The following NKAIN2 variants were observed in gnomAD, a reference collection of about 807,000 sequenced individuals.
NKAIN2 encodes the protein sodium/potassium transporting ATPase interacting 2, also known as sodium/potassium-transporting ATPase subunit beta-1-interacting protein 2.
Under a neutral mutation model 32.6 loss-of-function variants are expected in NKAIN2, and 14 were observed. The observed-to-expected ratio is 0.43, with a 90% CI of 0.28 to 0.67. The LOEUF is 0.67. Ranked by LOEUF, NKAIN2 falls within the 30% of genes least tolerant of loss-of-function variation. The probability of loss-of-function intolerance (pLI) is 0.17; values close to 1 mark genes in which losing one functional copy is unlikely to be tolerated. For synonymous variants in NKAIN2, 80 were observed against 87.2 expected, an observed-to-expected ratio of 0.92 and a Z score of 0.46; for missense variants, 198 against 258.3, an observed-to-expected ratio of 0.77 and a Z score of 1.60.
chr6:124,112,816 T>A (rs1452231226), intron 1 of NKAIN2, among the ~76,000 whole-genome samples: 1 of 151,864 alleles, frequency 6.6e-6, no homozygotes, highest in Non-Finnish European at 1.5e-5. Flanking sequence ...TCCAGTTCGC[T>A]GATACTTTCT....
At chr6:124,599,505 A>G (rs1021970492) in intron 3 of NKAIN2, among the ~76,000 whole-genome samples, 1 of 152,168 alleles carries the variant, frequency 6.6e-6, no homozygotes. Context: ...GAAGCTCCAA[A>G]TAGAAGGTAC....
At chr6:124,349,099 G>A (rs1040145512) in intron 2 of NKAIN2, among the ~76,000 whole-genome samples, 3 of 152,084 alleles carry the variant, frequency 2.0e-5, no homozygotes, top group East Asian at 1.9e-4. Flanking sequence ...GGAAAAAACC[G>A]GGTTCTTATC....
chr6:124,471,524 T>G (rs1386432244), intron 3 of NKAIN2, among the ~76,000 whole-genome samples: 1 of 152,170 alleles, frequency 6.6e-6, no homozygotes, highest in Non-Finnish European at 1.5e-5. Context: ...TTGCAATTTT[T>G]ATTGCACGCA....
At chr6:124,078,786 T>TTGTGTGTGTGTGTGTGTG (rs71021477) in intron 1 of NKAIN2, among the ~76,000 whole-genome samples, 2 of 144,644 alleles carry the variant, frequency 1.4e-5, no homozygotes, top group African/African-American at 5.1e-5. Flanking sequence ...TATGTCGTTT[T>TTGTGTGTGTGTGTGTGTG]TGTGTGTGTG....
chr6:123,843,563 G>A (rs1212646339), intron 1 of NKAIN2, among the ~76,000 whole-genome samples: 1 of 152,134 alleles, frequency 6.6e-6, no homozygotes, highest in African/African-American at 2.4e-5. Flanking sequence ...GGGACAACAG[G>A]AATGCATATT....
At chr6:124,362,087 AT>A (rs1799313712) in intron 3 of NKAIN2, among the ~76,000 whole-genome samples, 1 of 152,072 alleles carries the variant, frequency 6.6e-6, no homozygotes, top group Non-Finnish European at 1.5e-5. Flanking sequence ...AGCAATTACT[AT>A]TAAACAAAGA....
intron 3 of NKAIN2, among the ~76,000 whole-genome samples, chr6:124,451,135 C>T (rs1182984544): frequency 6.6e-6 from 1 of 152,086 alleles, no homozygotes; most frequent in Non-Finnish European, 1.5e-5. Context: ...CCTGAAATCA[C>T]TTATCTATAT....
intron 1 of NKAIN2, among the ~76,000 whole-genome samples, chr6:124,106,505 T>A (rs1185632782): frequency 6.6e-6 from 1 of 152,198 alleles, no homozygotes; most frequent in Non-Finnish European, 1.5e-5. Flanking sequence ...ATGCTTTGAC[T>A]TTGTACTAAG....
chr6:124,527,240 T>A (rs1779353260), intron 3 of NKAIN2, among the ~76,000 whole-genome samples: 1 of 152,164 alleles, frequency 6.6e-6, no homozygotes, highest in Admixed American at 6.5e-5. Context: ...ACTCCGTAAC[T>A]TGGATTATTG....
At chr6:124,474,110 T>TA (rs200720434) in intron 3 of NKAIN2, among the ~76,000 whole-genome samples, 116 of 151,578 alleles carry the variant, frequency 7.7e-4, no homozygotes, top group Non-Finnish European at 1.2e-3. Context: ...GGACTGTATT[T>TA]TTTTTTTAAG....
At chr6:124,569,001 T>C (rs1781026461) in intron 3 of NKAIN2, among the ~76,000 whole-genome samples, 1 of 152,176 alleles carries the variant, frequency 6.6e-6, no homozygotes, top group African/African-American at 2.4e-5. Context: ...CCCATCTCTA[T>C]TGGTTTTGGA....
At chr6:124,633,054 T>C (rs1255887000) in intron 3 of NKAIN2, among the ~76,000 whole-genome samples, 2 of 152,220 alleles carry the variant, frequency 1.3e-5, no homozygotes, top group African/African-American at 4.8e-5. Context: ...CCCACCATTT[T>C]CTATTCTAGT....
At chr6:124,425,667 G>C (rs1310835759) in intron 3 of NKAIN2, among the ~76,000 whole-genome samples, 1 of 152,026 alleles carries the variant, frequency 6.6e-6, no homozygotes, top group Non-Finnish European at 1.5e-5. Flanking sequence ...CTCCAAAGAA[G>C]ACGTACCTAC....
intron 4 of NKAIN2, among the ~76,000 whole-genome samples, chr6:124,703,723 A>G (rs945423675): frequency 3.9e-5 from 6 of 152,028 alleles, no homozygotes; most frequent in East Asian, 3.9e-4. Flanking sequence ...TGGCTCTGAC[A>G]TATCTGTTAG....
At chr6:124,331,480 G>C (rs1797659825) in intron 2 of NKAIN2, among the ~76,000 whole-genome samples, 1 of 131,636 alleles carries the variant, frequency 7.6e-6, no homozygotes, top group African/African-American at 2.9e-5. Context: ...AGTGAGCCAA[G>C]ATCATGCCAC....
At chr6:123,875,922 T>G (rs1323682538) in intron 1 of NKAIN2, among the ~76,000 whole-genome samples, 1 of 152,132 alleles carries the variant, frequency 6.6e-6, no homozygotes, top group African/African-American at 2.4e-5. Context: ...TATGTATTAG[T>G]ACATATCAAG....
At chr6:123,963,645 A>G (rs112400912) in intron 1 of NKAIN2, among the ~76,000 whole-genome samples, 2,145 of 152,342 alleles carry the variant, frequency 0.014, 18 homozygotes, top group African/African-American at 0.022. Flanking sequence ...AACATTAGGT[A>G]TATCAAACAT....
At chr6:124,344,028 C>G (rs1334726742) in intron 2 of NKAIN2, among the ~76,000 whole-genome samples, 2 of 152,092 alleles carry the variant, frequency 1.3e-5, no homozygotes, top group African/African-American at 4.8e-5. Flanking sequence ...AGGAAGGCAT[C>G]CAGTTTCAGC....
rs1792031800 is a variant in NKAIN2, at chr6:124,224,989, A to C, written c.55-58016A>C. ...TACTACAGTGGGCCCCAAGGTAACT[A>C]AAAAGTGAAAACTTGCCCTCCAGGT... On this transcript the variant is annotated intron_variant, in intron 1 of 6. Transcript: ENST00000368417. Among the ~76,000 whole-genome samples the C allele has an allele frequency of 1.3e-5, 2 of 152,070 alleles. 1 individual carries two copies. Among genetic ancestry groups the C allele is most frequent in the Admixed American group, 1.3e-4 (2 of 15,264 alleles).
Sources: gnomAD v4.1 joint callset for allele counts (sites outside exome capture counted in the v4.1 genomes callset) on GRCh38, gnomAD v4.1.1 for gene constraint, MANE v1.5 for transcripts, NCBI Gene and HGNC (gene_info 2026-07-23, HGNC 2026-07-21) for gene names.